The following WDR7 variants were observed in gnomAD, a reference collection of about 807,000 sequenced individuals.
WDR7 encodes the protein WD repeat-containing protein 7.
Under a neutral mutation model 169.4 loss-of-function variants are expected in WDR7, and 46 were observed. The observed-to-expected ratio is 0.27, with a 90% CI of 0.21 to 0.35. The LOEUF (loss-of-function observed/expected upper bound fraction) is 0.35, where lower values mean the gene tolerates loss of function less well. WDR7 is among the 10% of genes least tolerant of loss of function. The pLI, the probability that WDR7 is intolerant of heterozygous loss-of-function variation, is 1.00. For missense variants in WDR7, 1,534 were observed against 1,859.3 expected, an observed-to-expected ratio of 0.83 and a Z score of 3.22; for synonymous variants, 612 against 666.8, an observed-to-expected ratio of 0.92 and a Z score of 1.27.
chr18:56,880,225 A>C (rs1279965690), intron 21 of WDR7, 60 bp downstream of exon 21: 3 of 1,484,316 alleles, frequency 2.0e-6, no homozygotes, highest in African/African-American at 2.8e-5. Flanking sequence ...ATTTGTCAGC[A>C]AAATCTCATA....
At chr18:57,009,840 A>G (rs1007417660) in intron 26 of WDR7, 2 of 985,250 alleles carry the variant, frequency 2.0e-6, no homozygotes. Context: ...GTCACCAGGC[A>G]CTATACCAGG....
rs189120498 is a variant in WDR7 at position 56,954,576 on chromosome 18, A to T, written c.4065-7854A>T. ...AAGAGAAAAAGATCTGGAAAGACAC[A>T]CCCCAAGCTATGACTGGTGAATACT... On this transcript the variant is annotated intron_variant, in intron 25 of 27. Coordinates refer to ENST00000254442, the MANE Select transcript of WDR7 (RefSeq NM_015285.3). Among the ~76,000 whole-genome samples, 12 of 152,252 alleles carry T rather than the reference A, an allele frequency of 7.9e-5. No individual in the cohort carries two copies. The East Asian group carries it at 2.3e-3, about 29-fold the overall frequency.
At chr18:56,733,214 GA>G (rs2026625879) in intron 14 of WDR7, among the ~76,000 whole-genome samples, 1 of 152,138 alleles carries the variant, frequency 6.6e-6, no homozygotes, top group African/African-American at 2.4e-5. Flanking sequence ...GGCCTACAAG[GA>G]AAACAATTAT....
At chr18:56,930,153 A>G (rs930219099) in intron 22 of WDR7, among the ~76,000 whole-genome samples, 1 of 152,216 alleles carries the variant, frequency 6.6e-6, no homozygotes, top group African/African-American at 2.4e-5. Context: ...GATCATCACA[A>G]TTTACCAAAC....
chr18:56,820,359 A>AAAAAAAACAAAAAC (rs1044771844), intron 20 of WDR7, among the ~76,000 whole-genome samples: 4 of 127,464 alleles, frequency 3.1e-5, no homozygotes, highest in African/African-American at 1.4e-4. Context: ...AAAAAAAAAA[A>AAAAAAAACAAAAAC]AAAAACCACC....
chr18:56,963,502 T>C (rs1424877376), intron 26 of WDR7, among the ~76,000 whole-genome samples: 2 of 152,068 alleles, frequency 1.3e-5, no homozygotes, highest in African/African-American at 2.4e-5. Flanking sequence ...TAACAGGTGT[T>C]GAGGTGTTGG....
intron 16 of WDR7, among the ~76,000 whole-genome samples, chr18:56,768,514 G>A (rs1478386304): frequency 6.6e-6 from 1 of 152,082 alleles, no homozygotes; most frequent in East Asian, 1.9e-4. Flanking sequence ...AGAGAGATTG[G>A]TCTGACATGT....
chr18:56,856,313 C>A (rs2045721169), intron 20 of WDR7, among the ~76,000 whole-genome samples: 1 of 152,140 alleles, frequency 6.6e-6, no homozygotes, highest in Admixed American at 6.5e-5. Context: ...GCAGGTGGAT[C>A]ACTTGAGGTC....
At chr18:56,953,491 G>A (rs368524836) in intron 25 of WDR7, among the ~76,000 whole-genome samples, 105 of 152,328 alleles carry the variant, frequency 6.9e-4, no homozygotes, top group African/African-American at 2.5e-3. Flanking sequence ...TAATTTTTAA[G>A]CACTTGTGTG....
At chr18:56,707,273 A>G (rs1345769805) in intron 12 of WDR7, among the ~76,000 whole-genome samples, 1 of 152,100 alleles carries the variant, frequency 6.6e-6, no homozygotes, top group Non-Finnish European at 1.5e-5. Context: ...ATGAGCTACC[A>G]TGCCCAGCCT....
At chr18:56,913,474 TTA>T (rs1491565664) in intron 21 of WDR7, among the ~76,000 whole-genome samples, 2 of 151,924 alleles carry the variant, frequency 1.3e-5, no homozygotes, top group African/African-American at 4.8e-5. Context: ...CACTCTATCT[TTA>T]AAAAAAAATG....
chr18:57,009,917 A>G (rs898350362), intron 26 of WDR7: 4 of 985,410 alleles, frequency 4.1e-6, no homozygotes, highest in African/African-American at 3.5e-5. Context: ...TAACCAAACC[A>G]TCTTCCGTTA....
At chr18:56,720,061 TTATC>T (rs1254550424) in intron 13 of WDR7, among the ~76,000 whole-genome samples, 1 of 152,190 alleles carries the variant, frequency 6.6e-6, no homozygotes, top group African/African-American at 2.4e-5. Context: ...GAATATGACT[TTATC>T]TACATTTAGA....
intron 26 of WDR7, among the ~76,000 whole-genome samples, chr18:56,991,442 G>A (rs2047818188): frequency 6.6e-6 from 1 of 152,154 alleles, no homozygotes; most frequent in Non-Finnish European, 1.5e-5. Context: ...ACCATGCCCG[G>A]CCTCATTTTT....
intron 21 of WDR7, among the ~76,000 whole-genome samples, chr18:56,900,272 G>A (rs1400322777): frequency 1.3e-5 from 2 of 151,980 alleles, no homozygotes; most frequent in African/African-American, 4.8e-5. Flanking sequence ...AGAGAAGGTA[G>A]AATTTTCTAG....
intron 25 of WDR7, 152 bp downstream of exon 25, chr18:56,939,545 C>A: frequency 4.2e-6 from 2 of 476,452 alleles, no homozygotes; most frequent in South Asian, 7.5e-5. Flanking sequence ...GGGCAGGTTA[C>A]AGTTAAAAAC....
intron 22 of WDR7, 121 bp from the exon 23 acceptor site, chr18:56,935,667 A>G: frequency 5.7e-6 from 5 of 878,528 alleles, no homozygotes; most frequent in Non-Finnish European, 9.3e-6. Context: ...AGTCCATTAT[A>G]TTCTAACTGT....
At position 56,870,735 on chromosome 18, in the gene WDR7, GCCTCA is replaced by G. The variant is rs2045941604; in HGVS notation, c.3305-9208_3305-9204del. Among the ~76,000 whole-genome samples the G allele has an allele frequency of 2.6e-5, 4 of 152,238 alleles. No individual in the cohort carries two copies. The South Asian group carries it at 8.3e-4, about 32-fold the overall frequency. On this transcript the variant is annotated intron_variant, in intron 20 of 27. Coordinates refer to ENST00000254442, the MANE Select transcript of WDR7 (RefSeq NM_015285.3). ...ACTCCTGGGCTGAAGCAATCTTCCT[GCCTCA>G]GCTTCCAAAGTACTGGAATTAGAGG...
At chr18:56,903,936 A>G (rs1208380365) in intron 21 of WDR7, among the ~76,000 whole-genome samples, 2 of 152,160 alleles carry the variant, frequency 1.3e-5, no homozygotes, top group African/African-American at 2.4e-5. Flanking sequence ...TGCTATTCAG[A>G]GAATTTTTTA....
Sources: gnomAD v4.1 joint callset for allele counts (sites outside exome capture counted in the v4.1 genomes callset) on GRCh38, gnomAD v4.1.1 for gene constraint, MANE v1.5 for transcripts, NCBI Gene and HGNC (gene_info 2026-07-23, HGNC 2026-07-21) for gene names.